The following FBXO4 variants were observed in gnomAD, a reference collection of about 807,000 sequenced individuals.
The protein encoded by FBXO4 is F-box protein 4.
In FBXO4, 36 loss-of-function variants were observed where a neutral mutation model predicts 43.7. The ratio of observed to expected loss-of-function variants is 0.82; its 90% CI spans 0.63 to 1.09. The LOEUF is 1.09. FBXO4 is among the 50% of genes least tolerant of loss of function. The pLI is 0.00. For missense variants in FBXO4, 435 were observed against 474.1 expected (o/e 0.92, Z 0.77); for synonymous variants, 180 against 165.6 (o/e 1.09, Z -0.67).
rs1751997887 is a variant in FBXO4 at position 41,941,225 on chromosome 5, T to G, written c.1108T>G (p.Phe370Val). ...TACAGAGGCTGAAACTCTGACTGGTTTTTTGAATGGCATTGAGTGGATTCT... is the reference window on the plus strand; with the variant it reads ...TACAGAGGCTGAAACTCTGACTGGTGTTTTGAATGGCATTGAGTGGATTCT... ...QDTEAETLTG[F>V]LNGIEWILEE... The change falls in exon 7 of 7, where the codon TTT (phenylalanine) becomes GTT (valine). Residue 370 changes from phenylalanine to valine, a missense_variant. Phe to Val is a conservative substitution (Grantham distance 50). Transcript: ENST00000281623. 2 of 1,613,752 alleles carry G rather than the reference T, an allele frequency of 1.2e-6. No homozygotes were observed. Among genetic ancestry groups the G allele is most frequent in the African/African-American group, 1.3e-5 (1 of 74,916 alleles).
the FBXO4 span, among the ~76,000 whole-genome samples, chr5:41,983,200 G>A: frequency 2.0e-5 from 3 of 152,128 alleles, no homozygotes; most frequent in Non-Finnish European, 4.4e-5. Context: ...TGTCTTTATA[G>A]TAAAATGATT....
chr5:41,991,312 T>C, the FBXO4 span, among the ~76,000 whole-genome samples: 3 of 152,246 alleles, frequency 2.0e-5, no homozygotes, highest in African/African-American at 4.8e-5. Flanking sequence ...TATCCAATTA[T>C]GTTCTCCCAA....
chr5:42,036,270 T>C, the FBXO4 span, among the ~76,000 whole-genome samples: 1 of 151,852 alleles, frequency 6.6e-6, no homozygotes, highest in African/African-American at 2.4e-5. Context: ...GTGAGGAAAA[T>C]GGACAAAAGT....
the FBXO4 span, among the ~76,000 whole-genome samples, chr5:42,006,073 T>G: frequency 6.6e-6 from 1 of 152,114 alleles, no homozygotes; most frequent in Non-Finnish European, 1.5e-5. Context: ...TATTGACATA[T>G]GTTGACATAT....
the FBXO4 span, among the ~76,000 whole-genome samples, chr5:41,999,514 T>G: frequency 1.7e-5 from 2 of 119,392 alleles, no homozygotes; most frequent in African/African-American, 7.8e-5. Context: ...TGTGTATATA[T>G]ATATATATAC....
chr5:41,970,585 A>G, the FBXO4 span, among the ~76,000 whole-genome samples: 1 of 151,748 alleles, frequency 6.6e-6, no homozygotes, highest in Non-Finnish European at 1.5e-5. Flanking sequence ...AAAAAAAAAA[A>G]CCCTAATAGA....
At chr5:41,925,564 AG>A (rs1218938680) in intron 1 of FBXO4, 66 bp downstream of exon 1, 1 of 1,209,068 alleles carries the variant, frequency 8.3e-7, no homozygotes, top group Admixed American at 4.2e-5. Flanking sequence ...CCTCCCCTGG[AG>A]CCCCCCGGGG....
the FBXO4 span, among the ~76,000 whole-genome samples, chr5:42,030,141 A>G: frequency 2.6e-5 from 4 of 152,164 alleles, no homozygotes; most frequent in African/African-American, 7.2e-5. Context: ...AAGAGCCCAC[A>G]TCGCCAAGTC....
In FBXO4 at chr5:41,941,189, G is replaced by A. The variant is rs755292420; in HGVS notation, c.1075-3G>A. On this transcript the variant is annotated splice_region_variant and splice_polypyrimidine_tract_variant and intron_variant, in intron 6 of 6. Coordinates refer to ENST00000281623, the MANE Select transcript of FBXO4 (RefSeq NM_012176.3). ...AACAACATTCTCTCTTATGTATTCC[G>A]AGGTCCAGGATACAGAGGCTGAAAC... is the stretch of plus-strand genomic sequence containing the variant. The A allele has an allele frequency of 1.4e-5, 22 of 1,612,212 alleles. No individual in the cohort carries two copies. Among genetic ancestry groups the A allele is most frequent in the African/African-American group, 5.3e-5 (4 of 74,858 alleles).
chr5:42,011,589 A>G, the FBXO4 span, among the ~76,000 whole-genome samples: 1 of 152,206 alleles, frequency 6.6e-6, no homozygotes. Context: ...TATTTTATAT[A>G]TATTTATTGA....
At chr5:41,975,821 T>C in the FBXO4 span, among the ~76,000 whole-genome samples, 1 of 152,300 alleles carries the variant, frequency 6.6e-6, no homozygotes, top group East Asian at 1.9e-4. Flanking sequence ...TGCATTGTTA[T>C]AAAAGAATAC....
At chr5:41,972,606 T>C in the FBXO4 span, among the ~76,000 whole-genome samples, 1 of 152,086 alleles carries the variant, frequency 6.6e-6, no homozygotes, top group African/African-American at 2.4e-5. Context: ...AAAATAAGCC[T>C]GAATAGCCAA....
At chr5:42,012,129 G>T in the FBXO4 span, among the ~76,000 whole-genome samples, 1 of 152,078 alleles carries the variant, frequency 6.6e-6, no homozygotes, top group Admixed American at 6.6e-5. Flanking sequence ...AACTCTGATG[G>T]GTTCAGGAAA....
At chr5:41,951,269 T>G in the FBXO4 span, 1 of 160,310 alleles carries the variant, frequency 6.2e-6, no homozygotes, top group African/African-American at 2.4e-5. Flanking sequence ...TCATCAACCT[T>G]ATTTCCATCT....
downstream of FBXO4, among the ~76,000 whole-genome samples, chr5:41,945,471 T>C (rs1024115981): frequency 4.6e-5 from 7 of 152,184 alleles, no homozygotes; most frequent in Non-Finnish European, 1.0e-4. Flanking sequence ...TCCTGATTAT[T>C]GTAAATACAA....
At chr5:42,009,001 T>C in the FBXO4 span, among the ~76,000 whole-genome samples, 4 of 152,122 alleles carry the variant, frequency 2.6e-5, no homozygotes, top group African/African-American at 9.7e-5. Flanking sequence ...GATTATTCTA[T>C]GTATGGTAGA....
chr5:41,958,565 C>G, the FBXO4 span, among the ~76,000 whole-genome samples: 1 of 152,124 alleles, frequency 6.6e-6, no homozygotes, highest in Non-Finnish European at 1.5e-5. Context: ...CTCACCATCC[C>G]CCTTCTTCTG....
chr5:41,994,321 TA>T, the FBXO4 span, among the ~76,000 whole-genome samples: 1 of 152,092 alleles, frequency 6.6e-6, no homozygotes, highest in Non-Finnish European at 1.5e-5. Context: ...TATACATGCA[TA>T]AACATGTTTT....
At chr5:42,028,420 G>A in the FBXO4 span, among the ~76,000 whole-genome samples, 1 of 151,614 alleles carries the variant, frequency 6.6e-6, no homozygotes, top group East Asian at 1.9e-4. Flanking sequence ...TGTTTTTATA[G>A]GTGAAGTGTG....
Sources: gnomAD v4.1 joint callset for allele counts (sites outside exome capture counted in the v4.1 genomes callset) on GRCh38, gnomAD v4.1.1 for gene constraint, MANE v1.5 for transcripts, NCBI Gene and HGNC (gene_info 2026-07-23, HGNC 2026-07-21) for gene names.